ESR2: variants seen among roughly 807,000 people sequenced by gnomAD.
ESR2 encodes the protein estrogen receptor beta.
In ESR2, 36 loss-of-function variants were observed where a neutral mutation model predicts 49.6. The observed-to-expected ratio is 0.73, with a 90% CI of 0.56 to 0.96. The LOEUF (loss-of-function observed/expected upper bound fraction) is 0.96, where lower values mean the gene tolerates loss of function less well. ESR2 is among the 40% of genes least tolerant of loss of function. The pLI, the probability that ESR2 is intolerant of heterozygous loss-of-function variation, is 0.00. For missense variants in ESR2, 714 were observed against 693.0 expected, an observed-to-expected ratio of 1.03 and a Z score of -0.34; for synonymous variants, 320 against 266.1, an observed-to-expected ratio of 1.20 and a Z score of -1.97.
chr14:64,256,415 A>T (rs2076096318), intron 6 of ESR2, among the ~76,000 whole-genome samples: 1 of 152,220 alleles, frequency 6.6e-6, no homozygotes, highest in Non-Finnish European at 1.5e-5. Context: ...CAAAAATGCT[A>T]TATAGTACAT....
At chr14:64,322,425 C>T (rs923504392) in intron 1 of ESR2, among the ~76,000 whole-genome samples, 3 of 150,866 alleles carry the variant, frequency 2.0e-5, no homozygotes, top group African/African-American at 7.3e-5. Context: ...CCTGTAATTT[C>T]AGCCCTTTGG....
intron 1 of ESR2, among the ~76,000 whole-genome samples, chr14:64,301,014 A>G (rs1323176098): frequency 6.6e-6 from 1 of 152,122 alleles, no homozygotes; most frequent in African/African-American, 2.4e-5. Flanking sequence ...TTTATCCTTA[A>G]AACAATCCAA....
intron 1 of ESR2, among the ~76,000 whole-genome samples, chr14:64,309,560 A>G (rs1278952528): frequency 1.3e-5 from 2 of 148,610 alleles, no homozygotes; most frequent in Non-Finnish European, 1.5e-5. Context: ...GCAATGAGCC[A>G]AGATTGTGCC....
intron 1 of ESR2, among the ~76,000 whole-genome samples, chr14:64,320,371 GC>G (rs1183947393): frequency 6.6e-6 from 1 of 151,740 alleles, no homozygotes; most frequent in African/African-American, 2.4e-5. Context: ...TTTGAGATAA[GC>G]CTGGGCAACA....
intron 5 of ESR2, chr14:64,260,141 G>C: frequency 1.7e-6 from 1 of 594,590 alleles, no homozygotes; most frequent in Non-Finnish European, 3.2e-6. Flanking sequence ...GATGCATCTA[G>C]CCATGGGAAA....
rs35350228 is a variant in ESR2 at position 64,230,898 on chromosome 14, A to AT, written c.*2238dup. 17,991 of 110,550 alleles carry AT rather than the reference A, an allele frequency of 0.16. 2,584 individuals are homozygous for AT. The highest frequency in any genetic ancestry group is 0.55 in the East Asian group (2,180 of 3,948). 6.8% of individuals were successfully genotyped at this position (110,550 alleles called of 1,614,324 possible). On this transcript the variant is annotated 3_prime_UTR_variant, in exon 9 of 9. Transcript: ENST00000341099. Reference sequence around the variant, plus strand: ...ATATATATATATATATTTCGTGGCAATTTTTTTTTTTTTTTTTTTGAGACA... The same window carrying AT: ...ATATATATATATATATTTCGTGGCAATTTTTTTTTTTTTTTTTTTTGAGACA...
At chr14:64,316,782 C>A (rs2077261323) in intron 1 of ESR2, among the ~76,000 whole-genome samples, 6 of 152,122 alleles carry the variant, frequency 3.9e-5, no homozygotes, top group African/African-American at 1.2e-4. Flanking sequence ...GCACTCCAGC[C>A]TGGGCAATGG....
chr14:64,305,504 A>G (rs541891237), intron 1 of ESR2, among the ~76,000 whole-genome samples: 95 of 151,260 alleles, frequency 6.3e-4, no homozygotes, highest in Middle Eastern at 3.4e-3. Context: ...CCCCATCTCT[A>G]CTAAAAATAC....
chr14:64,283,831 T>A (rs1362140562), intron 1 of ESR2, among the ~76,000 whole-genome samples: 12 of 148,408 alleles, frequency 8.1e-5, no homozygotes. Flanking sequence ...ATTATGAATC[T>A]CCAATAATAA....
At chr14:64,315,944 C>T (rs377088730) in intron 1 of ESR2, among the ~76,000 whole-genome samples, 5 of 152,006 alleles carry the variant, frequency 3.3e-5, no homozygotes, top group African/African-American at 4.8e-5. Context: ...TGTGCCACCA[C>T]GCCTGGCCTT....
chr14:64,231,952 A>G lies in ESR2; in HGVS notation c.*1185T>C, dbSNP rs1217607247. On this transcript the variant is annotated 3_prime_UTR_variant, in exon 9 of 9. Transcript: ENST00000341099. ...TTCTTTTTCACCCTGCCCACCATAT[A>G]AATTTTCCAATAAGAAAATATTTTT... is the stretch of plus-strand genomic sequence containing the variant. 6 of 152,228 alleles carry G rather than the reference A, an allele frequency of 3.9e-5. No homozygotes were observed. The highest frequency in any genetic ancestry group is 8.8e-5 in the Non-Finnish European group (6 of 68,048). The allele number at this position is 152,228 out of a possible 1,614,324, so 9.4% of individuals were successfully genotyped here. A position where few individuals can be genotyped will look rare whatever the true frequency, so the allele number is the denominator to read the frequency against.
chr14:64,310,470 G>A (rs1397587424), intron 1 of ESR2, among the ~76,000 whole-genome samples: 1 of 149,858 alleles, frequency 6.7e-6, no homozygotes, highest in Non-Finnish European at 1.5e-5. Flanking sequence ...AAATGCCGGA[G>A]AACTTTTTTT....
intron 1 of ESR2, among the ~76,000 whole-genome samples, chr14:64,284,503 G>T (rs1414699409): frequency 6.6e-6 from 1 of 151,410 alleles, no homozygotes; most frequent in Non-Finnish European, 1.5e-5. Flanking sequence ...TGTATTTTTA[G>T]TAGAGACAGG....
intron 1 of ESR2, among the ~76,000 whole-genome samples, chr14:64,327,261 T>C (rs910182281): frequency 6.6e-6 from 1 of 152,172 alleles, no homozygotes; most frequent in African/African-American, 2.4e-5. Flanking sequence ...TGTCCCCTTT[T>C]AAAATATATA....
rs1019478001 is a variant in ESR2 at position 64,232,038 on chromosome 14, T to G, written c.*1099A>C. 3.9e-5 allele frequency: 6 copies of G among 152,162 alleles called. No individual in the cohort carries two copies. The highest frequency in any genetic ancestry group is 7.2e-5 in the African/African-American group (3 of 41,422). The allele number at this position is 152,162 out of a possible 1,614,324, so 9.4% of individuals were successfully genotyped here. Reference sequence around the variant, plus strand: ...CTATAAATAATTATCCCTAAATATTTCTCTTTAAGGAGAGTTCACAAACTG... The same window carrying G: ...CTATAAATAATTATCCCTAAATATTGCTCTTTAAGGAGAGTTCACAAACTG... On this transcript the variant is annotated 3_prime_UTR_variant, in exon 9 of 9. Transcript: ENST00000341099.
rs557198943 is a variant in ESR2, at chr14:64,229,148, C to T, written c.*3989G>A. Among the ~76,000 whole-genome samples the T allele has an allele frequency of 3.3e-5, 5 of 152,160 alleles. No individual in the cohort carries two copies. The East Asian group carries it at 9.7e-4, about 29-fold the overall frequency. On this transcript the variant is annotated 3_prime_UTR_variant, in exon 9 of 9. Coordinates refer to ENST00000341099, the MANE Select transcript of ESR2 (RefSeq NM_001437.3). Reference sequence around the variant, plus strand: ...TAACAGATTATGCATCTTATTTTTCCATCTGTCATTGCTGCTGTTGTGTAA... The same window carrying T: ...TAACAGATTATGCATCTTATTTTTCTATCTGTCATTGCTGCTGTTGTGTAA...
chr14:64,270,677 T>C (rs1041882497), intron 3 of ESR2, among the ~76,000 whole-genome samples: 1 of 152,106 alleles, frequency 6.6e-6, no homozygotes, highest in Non-Finnish European at 1.5e-5. Flanking sequence ...GCCCAGCTAA[T>C]TTTTGTATTT....
At position 64,307,794 on chromosome 14, in the gene ESR2, A is replaced by G. The variant is rs979990220; in HGVS notation, c.-90-24719T>C. Reference sequence around the variant, plus strand: ...CGTGATCCACCCGCCTCGGCCTCCAAAAATGCTGGGATTACAGGCGTGAGC... The same window carrying G: ...CGTGATCCACCCGCCTCGGCCTCCAGAAATGCTGGGATTACAGGCGTGAGC... On this transcript the variant is annotated intron_variant, in intron 1 of 8. Transcript: ENST00000358599. Among the ~76,000 whole-genome samples, 12 of 151,962 alleles carry G rather than the reference A, an allele frequency of 7.9e-5. No homozygotes were observed. The East Asian group carries it at 2.1e-3, about 27-fold the overall frequency.
At chr14:64,269,874 T>G (rs1185790305) in intron 3 of ESR2, among the ~76,000 whole-genome samples, 1 of 152,070 alleles carries the variant, frequency 6.6e-6, no homozygotes, top group Non-Finnish European at 1.5e-5. Flanking sequence ...TCAGATGCAG[T>G]ACGAAGAACC....
Sources: gnomAD v4.1 joint callset for allele counts (sites outside exome capture counted in the v4.1 genomes callset) on GRCh38, gnomAD v4.1.1 for gene constraint, MANE v1.5 for transcripts, NCBI Gene and HGNC (gene_info 2026-07-23, HGNC 2026-07-21) for gene names.